The following SGCZ variants were observed in gnomAD, a reference collection of about 807,000 sequenced individuals.
SGCZ encodes the protein zeta-sarcoglycan.
In SGCZ, 40 loss-of-function variants were observed where a neutral mutation model predicts 41.3. That is an observed-to-expected ratio of 0.97 (90% CI 0.75 to 1.26). The LOEUF (loss-of-function observed/expected upper bound fraction) is 1.26, where lower values mean the gene tolerates loss of function less well. SGCZ is among the 50% of genes most tolerant of loss of function. The pLI is 0.00. For synonymous variants in SGCZ, 206 were observed against 137.5 expected (o/e 1.50, Z -3.49); for missense variants, 552 against 369.8 (o/e 1.49, Z -4.04).
chr8:15,226,883 A>C (rs1285079717), intron 1 of SGCZ, among the ~76,000 whole-genome samples: 1 of 152,242 alleles, frequency 6.6e-6, no homozygotes, highest in Non-Finnish European at 1.5e-5. Context: ...GGATGTACGG[A>C]ATGATGACAA....
chr8:14,685,523 A>T lies in SGCZ; in HGVS notation c.40-130597T>A, dbSNP rs149294457. On this transcript the variant is annotated intron_variant, in intron 1 of 7. Transcript: ENST00000382080. ...ATTTACAACATACTTTGGTTAATTC[A>T]TGTATGTAACTACTAATATTGCTAT... Among the ~76,000 whole-genome samples the T allele has an allele frequency of 2.2e-3, 338 of 152,258 alleles. 3 individuals are homozygous for T. Among genetic ancestry groups the T allele is most frequent in the African/African-American group, 7.9e-3 (329 of 41,582 alleles).
At chr8:14,849,710 T>C (rs570743451) in intron 1 of SGCZ, among the ~76,000 whole-genome samples, 8 of 152,248 alleles carry the variant, frequency 5.3e-5, no homozygotes, top group Non-Finnish European at 8.8e-5. Flanking sequence ...ATAAGTTCCG[T>C]ATCTTACAGT....
intron 1 of SGCZ, among the ~76,000 whole-genome samples, chr8:14,621,715 CT>C (rs77981117): frequency 0.086 from 13,002 of 151,988 alleles, 1,235 homozygotes; most frequent in East Asian, 0.51. Context: ...CTCTTAAACA[CT>C]CAGTCAGTAT....
chr8:14,132,526 T>C (rs748278976), intron 5 of SGCZ, among the ~76,000 whole-genome samples: 5 of 152,228 alleles, frequency 3.3e-5, no homozygotes, highest in Non-Finnish European at 5.9e-5. Flanking sequence ...GTTTGTTTTA[T>C]ACTTTCTATT....
chr8:14,373,196 G>A (rs146811679), intron 2 of SGCZ, among the ~76,000 whole-genome samples: 1 of 152,166 alleles, frequency 6.6e-6, no homozygotes, highest in Admixed American at 6.6e-5. Flanking sequence ...GCAAGAAAGA[G>A]TGGGGTGGCT....
intron 4 of SGCZ, among the ~76,000 whole-genome samples, chr8:14,181,098 G>A (rs921233459): frequency 2.6e-5 from 4 of 152,158 alleles, no homozygotes; most frequent in Non-Finnish European, 5.9e-5. Context: ...AGCCAGGCCT[G>A]AGGCCCACAG....
At chr8:14,799,546 C>A (rs1801246821) in intron 1 of SGCZ, among the ~76,000 whole-genome samples, 1 of 152,126 alleles carries the variant, frequency 6.6e-6, no homozygotes, top group Non-Finnish European at 1.5e-5. Context: ...ACTCAAGACT[C>A]TTCCATCCTT....
chr8:14,594,177 AAAATAAATAAATAAATAAATAAAT>A (rs147529594), intron 1 of SGCZ, among the ~76,000 whole-genome samples: 37 of 136,210 alleles, frequency 2.7e-4, no homozygotes, highest in African/African-American at 7.4e-4. Context: ...TCCATCTCAA[AAAATAAATAAATAAATAAATAAAT>A]AAATAAATAA....
intron 1 of SGCZ, among the ~76,000 whole-genome samples, chr8:14,876,362 G>C (rs1804356828): frequency 6.6e-6 from 1 of 152,106 alleles, no homozygotes; most frequent in Non-Finnish European, 1.5e-5. Flanking sequence ...TGCATAAGAA[G>C]ACATTCATAG....
rs149158999 is a variant in SGCZ, at chr8:14,480,937, T to C, written c.234+73795A>G. Among the ~76,000 whole-genome samples the C allele has an allele frequency of 1.8e-3, 269 of 152,204 alleles. 3 individuals carry two copies. The highest frequency in any genetic ancestry group is 6.0e-3 in the African/African-American group (250 of 41,546). On this transcript the variant is annotated intron_variant, in intron 2 of 7. Transcript: ENST00000382080. ...GAATAACATTCTTATAAAAGACTTG[T>C]AAAGACTTAATGAATGAAGTTATCT...
chr8:15,130,057 A>G (rs1296741882), intron 1 of SGCZ, among the ~76,000 whole-genome samples: 2 of 152,178 alleles, frequency 1.3e-5, no homozygotes, highest in African/African-American at 4.8e-5. Flanking sequence ...TCTAATCAGA[A>G]TGAGGCATCC....
intron 2 of SGCZ, among the ~76,000 whole-genome samples, chr8:14,333,883 C>A (rs1202282867): frequency 6.6e-6 from 1 of 152,062 alleles, no homozygotes; most frequent in Non-Finnish European, 1.5e-5. Flanking sequence ...GAGTTATAAG[C>A]TCCTGTCTCC....
intron 2 of SGCZ, among the ~76,000 whole-genome samples, chr8:14,354,407 T>C (rs140555578): frequency 6.6e-6 from 1 of 151,854 alleles, no homozygotes; most frequent in African/African-American, 2.4e-5. Flanking sequence ...ACCACTTCGA[T>C]GTGAATATAG....
chr8:15,144,832 A>T (rs569325438), intron 1 of SGCZ, among the ~76,000 whole-genome samples: 29 of 152,146 alleles, frequency 1.9e-4, no homozygotes, highest in Non-Finnish European at 3.8e-4. Context: ...GGGACACATT[A>T]ATTTTAATTA....
chr8:14,625,646 G>C (rs1256292073), intron 1 of SGCZ, among the ~76,000 whole-genome samples: 1 of 151,998 alleles, frequency 6.6e-6, no homozygotes, highest in Non-Finnish European at 1.5e-5. Flanking sequence ...TCCCAGGCTG[G>C]TCTTGAACTC....
intron 5 of SGCZ, among the ~76,000 whole-genome samples, chr8:14,116,107 C>G (rs1410563514): frequency 6.6e-6 from 1 of 151,936 alleles, no homozygotes; most frequent in Non-Finnish European, 1.5e-5. Context: ...AAGAAATTGT[C>G]TAAAACAGAT....
intron 1 of SGCZ, among the ~76,000 whole-genome samples, chr8:14,751,413 C>A (rs28430535): frequency 0.026 from 3,909 of 152,196 alleles, 174 homozygotes; most frequent in African/African-American, 0.089. Context: ...GACATCTTAT[C>A]TACCTTCTGA....
At chr8:14,582,008 C>G (rs1804906057) in intron 1 of SGCZ, among the ~76,000 whole-genome samples, 1 of 152,102 alleles carries the variant, frequency 6.6e-6, no homozygotes, top group African/African-American at 2.4e-5. Flanking sequence ...GAAAGAAAGA[C>G]AAATCCTTCC....
At chr8:14,425,712 A>G (rs1330452023) in intron 2 of SGCZ, among the ~76,000 whole-genome samples, 1 of 152,160 alleles carries the variant, frequency 6.6e-6, no homozygotes, top group Non-Finnish European at 1.5e-5. Context: ...AAACTTACTT[A>G]TACAATTTTG....
Sources: allele counts gnomAD v4.1 joint callset (sites outside exome capture counted in the v4.1 genomes callset), GRCh38; gene constraint gnomAD v4.1.1; transcripts MANE v1.5; gene names NCBI Gene and HGNC (gene_info 2026-07-23, HGNC 2026-07-21).